The following CSMD1 variants were observed in gnomAD, a reference collection of about 807,000 sequenced individuals.
CSMD1 encodes CUB and sushi domain-containing protein 1.
In CSMD1, 213 loss-of-function variants were observed where a neutral mutation model predicts 417.5. That is an observed-to-expected ratio of 0.51 (90% CI 0.46 to 0.57). The LOEUF (loss-of-function observed/expected upper bound fraction) is 0.57. CSMD1 is among the 20% of genes least tolerant of loss of function. CSMD1 has a pLI of 0.00. For synonymous variants in CSMD1, 2,862 were observed against 1,736.8 expected (o/e 1.65, Z -16.11); for missense variants, 6,923 against 4,529.7 (o/e 1.53, Z -15.17).
intron 28 of CSMD1, among the ~76,000 whole-genome samples, chr8:3,222,463 G>A (rs888548803): frequency 1.3e-5 from 2 of 151,922 alleles, no homozygotes; most frequent in Non-Finnish European, 2.9e-5. Context: ...GAATACACAA[G>A]CACACCAAGC....
At chr8:4,274,167 A>G (rs1563371163) in intron 3 of CSMD1, among the ~76,000 whole-genome samples, 2 of 152,218 alleles carry the variant, frequency 1.3e-5, no homozygotes, top group African/African-American at 2.4e-5. Flanking sequence ...ATTTTTTTGC[A>G]AAGTTAAATT....
intron 37 of CSMD1, among the ~76,000 whole-genome samples, chr8:3,179,516 G>C (rs1026683347): frequency 6.6e-6 from 1 of 152,310 alleles, no homozygotes; most frequent in South Asian, 2.1e-4. Flanking sequence ...GGAATAAAGA[G>C]AAATGTAGAT....
At chr8:4,054,830 C>T (rs1186587896) in intron 3 of CSMD1, among the ~76,000 whole-genome samples, 1 of 152,276 alleles carries the variant, frequency 6.6e-6, no homozygotes, top group East Asian at 1.9e-4. Context: ...ATCTATCTAG[C>T]CACAGCAGCC....
At chr8:4,236,457 C>T (rs879552143) in intron 3 of CSMD1, among the ~76,000 whole-genome samples, 9 of 152,112 alleles carry the variant, frequency 5.9e-5, no homozygotes, top group African/African-American at 1.9e-4. Flanking sequence ...TGACATTTAA[C>T]AACAAACACA....
chr8:4,713,799 G>A (rs766745296), intron 1 of CSMD1, among the ~76,000 whole-genome samples: 2 of 152,124 alleles, frequency 1.3e-5, no homozygotes, highest in African/African-American at 2.4e-5. Flanking sequence ...TTCTAGGAGG[G>A]TGTCATTCTA....
intron 1 of CSMD1, chr8:4,787,844 A>T (rs1469969751): frequency 1.1e-5 from 17 of 1,569,986 alleles, no homozygotes; most frequent in Non-Finnish European, 1.5e-5. Flanking sequence ...ATGCTGGAGA[A>T]ATCCTGGTTG....
At chr8:3,666,732 G>C (rs1255674883) in intron 7 of CSMD1, among the ~76,000 whole-genome samples, 2 of 152,138 alleles carry the variant, frequency 1.3e-5, no homozygotes, top group South Asian at 2.1e-4. Flanking sequence ...CCTTTGGCTT[G>C]GCTCTCATTC....
At chr8:4,090,450 T>C (rs1800657975) in intron 3 of CSMD1, among the ~76,000 whole-genome samples, 1 of 152,176 alleles carries the variant, frequency 6.6e-6, no homozygotes, top group African/African-American at 2.4e-5. Flanking sequence ...TTTAAGAAAA[T>C]ACATGGGAAG....
chr8:3,474,505 C>T (rs967922356), intron 11 of CSMD1, among the ~76,000 whole-genome samples: 3 of 152,042 alleles, frequency 2.0e-5, no homozygotes, highest in Admixed American at 6.6e-5. Flanking sequence ...TCTTTCTTGT[C>T]TTCATTAATC....
intron 11 of CSMD1, 104 bp from the exon 12 acceptor site, chr8:3,468,928 T>C (rs1016246475): frequency 4.5e-6 from 3 of 663,742 alleles, no homozygotes; most frequent in African/African-American, 3.6e-5. Flanking sequence ...ACCCTAGATA[T>C]ATAGGTAGCA....
intron 7 of CSMD1, among the ~76,000 whole-genome samples, chr8:3,621,981 GTGTGTGTGTA>G (rs1796269470): frequency 1.6e-5 from 2 of 125,910 alleles, no homozygotes; most frequent in Non-Finnish European, 3.4e-5. Flanking sequence ...CTCTCTTTGT[GTGTGTGTGTA>G]TGTGTGTGTG....
At chr8:4,363,275 C>T (rs541799914) in intron 3 of CSMD1, among the ~76,000 whole-genome samples, 2 of 152,144 alleles carry the variant, frequency 1.3e-5, no homozygotes, top group Non-Finnish European at 2.9e-5. Flanking sequence ...CTTAAAGGAG[C>T]CTTTTCAAAG....
intron 7 of CSMD1, among the ~76,000 whole-genome samples, chr8:3,685,443 G>T (rs746576003): frequency 5.3e-5 from 8 of 152,162 alleles, no homozygotes; most frequent in Admixed American, 5.2e-4. Context: ...TACTGCCAAG[G>T]AAGAAGGCTT....
At chr8:3,073,126 T>C (rs1813425066) in intron 49 of CSMD1, among the ~76,000 whole-genome samples, 1 of 152,218 alleles carries the variant, frequency 6.6e-6, no homozygotes, top group Non-Finnish European at 1.5e-5. Context: ...AGTCCTATTG[T>C]CTCTGATGAA....
chr8:3,654,101 G>T lies in CSMD1; in HGVS notation c.1010-37304C>A, dbSNP rs571121326. Reference sequence around the variant, plus strand: ...CGTCTCTTTTCTGTTAGAGTAGAGGGTGTTGTCAGGAAACAGTGTAACCAC... The same window carrying T: ...CGTCTCTTTTCTGTTAGAGTAGAGGTTGTTGTCAGGAAACAGTGTAACCAC... On this transcript the variant is annotated intron_variant, in intron 7 of 69. Transcript: ENST00000635120. 3.3e-5 allele frequency among the ~76,000 whole-genome samples: 5 copies of T among 152,256 alleles called. No individual in the cohort carries two copies. In the South Asian group the frequency reaches 8.3e-4, roughly 25 times the overall value.
chr8:4,514,179 C>T (rs933664017), intron 2 of CSMD1, among the ~76,000 whole-genome samples: 5 of 152,092 alleles, frequency 3.3e-5, no homozygotes, highest in African/African-American at 1.2e-4. Flanking sequence ...TGCAAAATGC[C>T]ACCTTCTTAC....
chr8:3,290,852 C>A (rs1274458391), intron 25 of CSMD1, among the ~76,000 whole-genome samples: 1 of 151,634 alleles, frequency 6.6e-6, no homozygotes, highest in Non-Finnish European at 1.5e-5. Context: ...GCCGGAACTT[C>A]CAACACTATA....
At chr8:3,091,409 T>C in intron 48 of CSMD1, 107 bp downstream of exon 48, 1 of 773,432 alleles carries the variant, frequency 1.3e-6, no homozygotes, top group Non-Finnish European at 1.9e-6. Flanking sequence ...ATTATTAATC[T>C]TTAAGAATTA....
At chr8:4,072,638 C>T (rs978163211) in intron 3 of CSMD1, among the ~76,000 whole-genome samples, 1 of 152,064 alleles carries the variant, frequency 6.6e-6, no homozygotes, top group Admixed American at 6.6e-5. Context: ...ATTAAACATC[C>T]ACATGATTAA....
Sources: allele counts gnomAD v4.1 joint callset (sites outside exome capture counted in the v4.1 genomes callset), GRCh38; gene constraint gnomAD v4.1.1; transcripts MANE v1.5; gene names NCBI Gene and HGNC (gene_info 2026-07-23, HGNC 2026-07-21).